The following DHX29 variants were observed in gnomAD, a reference collection of about 807,000 sequenced individuals.
DHX29 encodes the protein ATP-dependent RNA helicase DHX29.
DHX29 carries 79 observed loss-of-function variants against 167.9 expected under a neutral mutation model. The ratio of observed to expected loss-of-function variants is 0.47; its 90% CI spans 0.39 to 0.57. The LOEUF is 0.57. DHX29 is among the 20% of genes least tolerant of loss of function. DHX29 has a pLI of 0.00. For missense variants in DHX29, 1,347 were observed against 1,593.4 expected (o/e 0.85, Z 2.63); for synonymous variants, 530 against 546.0 (o/e 0.97, Z 0.41).
chr5:55,270,724 G>A lies in DHX29; in HGVS notation c.2865-18C>T. 6.3e-7 allele frequency: 1 copy of A among 1,599,386 alleles called. No homozygotes were observed. Among genetic ancestry groups the A allele is most frequent in the Non-Finnish European group, 8.6e-7 (1 of 1,167,166 alleles). ...CATGGTACCTAAAGAAATGTTTTAG[G>A]AGAGAATATGTAGATAATTGACTTA... On this transcript the variant is annotated intron_variant, in intron 18 of 26. Transcript: ENST00000251636.
At position 55,270,687 on chromosome 5, in the gene DHX29, T is replaced by C. The variant is rs912780501; in HGVS notation, c.2884A>G (p.Met962Val). 2.5e-6 allele frequency: 4 copies of C among 1,612,576 alleles called. No homozygotes were observed. The African/African-American group carries it at 4.0e-5, about 16-fold the overall frequency. ...KENKYHESSQ[M>V]SSLVETFVSK... ...ACAAACGTCTCCACCAAAGAACTCA[T>C]CTGACTGCTTTCATGGTACCTAAAG... The change falls in exon 19 of 27, where the codon ATG becomes GTG. Residue 962 changes from methionine to valine, a missense_variant. This residue lies in a region of DHX29 where 882 missense variants were observed against 1,082.4 expected (regional missense o/e 0.81). Transcript: ENST00000251636.
intron 11 of DHX29, among the ~76,000 whole-genome samples, chr5:55,281,944 C>G (rs1341809413): frequency 6.6e-6 from 1 of 151,982 alleles, no homozygotes; most frequent in Non-Finnish European, 1.5e-5. Context: ...TGCCACTACA[C>G]CCAGCTAATT....
At chr5:55,264,150 G>C (rs1280448914) in intron 23 of DHX29, among the ~76,000 whole-genome samples, 1 of 151,746 alleles carries the variant, frequency 6.6e-6, no homozygotes, top group Non-Finnish European at 1.5e-5. Flanking sequence ...AACTTTTATA[G>C]CATATCGTAT....
chr5:55,298,556 A>G (rs370980058), intron 2 of DHX29, 35 bp downstream of exon 2: 4 of 1,275,886 alleles, frequency 3.1e-6, no homozygotes, highest in Admixed American at 1.8e-5. Flanking sequence ...AGGGGGAAAC[A>G]TTTCTTGAAA....
chr5:55,266,997 T>A, intron 23 of DHX29, 141 bp downstream of exon 23: 1 of 554,406 alleles, frequency 1.8e-6, no homozygotes, highest in Admixed American at 3.5e-5. Flanking sequence ...AAGAAAGAAG[T>A]ACAATCACAA....
intron 5 of DHX29, 79 bp from the exon 6 acceptor site, chr5:55,294,224 T>C: frequency 7.4e-7 from 1 of 1,354,708 alleles, no homozygotes; most frequent in South Asian, 1.4e-5. Flanking sequence ...CTTTTACAAT[T>C]TCCTCACACT....
chr5:55,267,503 TTAAG>T (rs1279551694), intron 22 of DHX29, among the ~76,000 whole-genome samples, 179 bp downstream of exon 22: 1 of 152,200 alleles, frequency 6.6e-6, no homozygotes, highest in Admixed American at 6.5e-5. Flanking sequence ...TATATTATTA[TTAAG>T]TTTTAGGAAG....
chr5:55,294,175 C>A (rs1333666174), intron 5 of DHX29, 30 bp from the exon 6 acceptor site: 1 of 1,550,118 alleles, frequency 6.5e-7, no homozygotes. Flanking sequence ...ATCTGAAAAA[C>A]CAAAGTTAGA....
rs1432871592 is a variant in DHX29 at position 55,307,369 on chromosome 5, C to T, written c.187+18G>A. ...AGGTCTCAGGGCAGACAGCCAGGGG[C>T]TGGGGGACCTCTCGTACCTTGCTTG... On this transcript the variant is annotated intron_variant, in intron 1 of 26. Coordinates refer to ENST00000251636, the MANE Select transcript of DHX29 (RefSeq NM_019030.4). The T allele has an allele frequency of 1.2e-5, 19 of 1,607,996 alleles. No homozygotes were observed. In the South Asian group the frequency reaches 2.1e-4, roughly 18 times the overall value.
intron 17 of DHX29, 111 bp downstream of exon 17, chr5:55,273,182 G>A: frequency 8.8e-7 from 1 of 1,139,124 alleles, no homozygotes; most frequent in Non-Finnish European, 1.2e-6. Context: ...AGTTGGCAAT[G>A]CGCTATAAGG....
intron 6 of DHX29, among the ~76,000 whole-genome samples, chr5:55,291,952 T>A (rs1445121474): frequency 6.6e-6 from 1 of 152,242 alleles, no homozygotes; most frequent in African/African-American, 2.4e-5. Flanking sequence ...CTTCCACGTT[T>A]TAGCTATTGT....
In DHX29 at chr5:55,276,353, G is replaced by A. The variant is rs1235439886; in HGVS notation, c.2340C>T (p.Asp780=). ...CCAGAAATTTCTGACAATATTCTGAGTCTTTTTCCAGTACAAAGCCTGTTT... is the reference window on the plus strand; with the variant it reads ...CCAGAAATTTCTGACAATATTCTGAATCTTTTTCCAGTACAAAGCCTGTTT... The part of the protein sequence containing the change: ...IEETGFVLEK[D]SEYCQKFLEE... Residue 780 remains aspartate, a synonymous_variant, in exon 14 of 27, where the codon GAC becomes GAT. Transcript: ENST00000251636. 2 of 1,605,154 alleles carry A rather than the reference G, an allele frequency of 1.2e-6. No individual in the cohort carries two copies. The highest frequency in any genetic ancestry group is 4.5e-5 in the East Asian group (2 of 44,516).
intron 6 of DHX29, among the ~76,000 whole-genome samples, chr5:55,290,847 T>C (rs1328374725): frequency 2.0e-5 from 3 of 152,152 alleles, no homozygotes; most frequent in Non-Finnish European, 4.4e-5. Context: ...AAACCCCGTC[T>C]CTACCAAAAA....
At chr5:55,307,186 G>A (rs751059021) in intron 1 of DHX29, among the ~76,000 whole-genome samples, 7 of 152,210 alleles carry the variant, frequency 4.6e-5, no homozygotes, top group African/African-American at 1.4e-4. Flanking sequence ...CTGCAACAGG[G>A]CTACTGTCAG....
chr5:55,277,040 C>A, intron 13 of DHX29, 66 bp downstream of exon 13: 2 of 1,247,558 alleles, frequency 1.6e-6, no homozygotes, highest in East Asian at 2.4e-5. Flanking sequence ...AAGTGCCCAT[C>A]TTCTAGGGAA....
chr5:55,258,095 A>C (rs1746138872), intron 26 of DHX29, among the ~76,000 whole-genome samples: 1 of 152,246 alleles, frequency 6.6e-6, no homozygotes, highest in Non-Finnish European at 1.5e-5. Flanking sequence ...ACTGTTGAGA[A>C]TAAACTGGGG....
chr5:55,295,166 G>C, intron 5 of DHX29: 4 of 495,140 alleles, frequency 8.1e-6, no homozygotes, highest in Admixed American at 3.4e-5. Context: ...ACAGACTGCA[G>C]AATCATGAGA....
chr5:55,269,261 A>C (rs920632728), intron 21 of DHX29, 152 bp downstream of exon 21: 75 of 725,818 alleles, frequency 1.0e-4, no homozygotes, highest in Non-Finnish European at 1.2e-4. Flanking sequence ...AAAAAAAAAA[A>C]AAATTCAAGC....
chr5:55,297,480 C>A, intron 2 of DHX29, 82 bp from the exon 3 acceptor site: 1 of 672,238 alleles, frequency 1.5e-6, no homozygotes, highest in East Asian at 2.9e-5. Context: ...TTCTATATTC[C>A]TGCCAACCAA....
Sources: gnomAD v4.1 joint callset for allele counts (sites outside exome capture counted in the v4.1 genomes callset) on GRCh38, gnomAD v4.1.1 for gene constraint, gnomAD v4.1.1 regional missense constraint, MANE v1.5 for transcripts, NCBI Gene and HGNC (gene_info 2026-07-23, HGNC 2026-07-21) for gene names.